Variants in FOXN3 observed in about 807,000 individuals in gnomAD.
The protein encoded by FOXN3 is forkhead box N3, also known as forkhead box protein N3.
A neutral mutation model predicts 38.4 loss-of-function variants in FOXN3; 7 were observed. That is an observed-to-expected ratio of 0.18 (90% CI 0.10 to 0.34). FOXN3 has a LOEUF of 0.34. Ranked by LOEUF, FOXN3 falls within the 10% of genes least tolerant of loss-of-function variation. The pLI is 1.00. For synonymous variants in FOXN3, 230 were observed against 242.2 expected, an observed-to-expected ratio of 0.95 and a Z score of 0.47; for missense variants, 456 against 613.4, an observed-to-expected ratio of 0.74 and a Z score of 2.71.
rs552942759 is a variant in FOXN3, at chr14:89,316,854, G to A, written c.680+33818C>T. Among the ~76,000 whole-genome samples the A allele has an allele frequency of 1.7e-4, 26 of 152,074 alleles. 1 individual carries two copies. The highest frequency in any genetic ancestry group is 1.4e-3 in the Admixed American group (21 of 15,266). ...TACTTTTTGTATTTTTAGTAGAGAC[G>A]GGGTTTCGCCATGTTGGCCAAGCTG... On this transcript the variant is annotated intron_variant, in intron 3 of 5. Coordinates refer to ENST00000557258, the MANE Select transcript of FOXN3 (RefSeq NM_005197.4).
chr14:89,235,106 T>C (rs1041412211), intron 4 of FOXN3, among the ~76,000 whole-genome samples: 2 of 152,178 alleles, frequency 1.3e-5, no homozygotes, highest in African/African-American at 4.8e-5. Flanking sequence ...TATTTCTTAT[T>C]TAATCCTTAT....
chr14:89,284,428 C>A, intron 3 of FOXN3: 1 of 455,892 alleles, frequency 2.2e-6, no homozygotes, highest in Non-Finnish European at 4.4e-6. Context: ...CCCACTGTAC[C>A]ATAGAGACAC....
intron 5 of FOXN3, among the ~76,000 whole-genome samples, chr14:89,177,936 T>C (rs1887567078): frequency 6.6e-6 from 1 of 152,212 alleles, no homozygotes; most frequent in Non-Finnish European, 1.5e-5. Flanking sequence ...CTCTCCATGA[T>C]ACCCTGAGTC....
intron 2 of FOXN3, among the ~76,000 whole-genome samples, chr14:89,389,675 G>A (rs537444132): frequency 3.3e-5 from 5 of 152,318 alleles, no homozygotes; most frequent in Admixed American, 1.3e-4. Flanking sequence ...GGCAGGCCAC[G>A]GTGGGATGGC....
At chr14:89,419,441 G>A (rs996663642), upstream of FOXN3, 22 of 317,950 alleles carry the variant, frequency 6.9e-5, no homozygotes, top group Non-Finnish European at 1.2e-4. Context: ...GGACCCTTGC[G>A]TCTTAGGTCC....
At chr14:89,176,156 G>A (rs985361800) in intron 5 of FOXN3, among the ~76,000 whole-genome samples, 2 of 152,172 alleles carry the variant, frequency 1.3e-5, no homozygotes, top group Admixed American at 1.3e-4. Context: ...AATCTTGGAG[G>A]TTATTGAGTA....
chr14:89,417,480 G>C (rs1891781202), upstream of FOXN3: 1 of 150,888 alleles, frequency 6.6e-6, no homozygotes, highest in Admixed American at 6.7e-5. Flanking sequence ...GGGGTGACCG[G>C]CGCGGGTCCC....
chr14:89,426,068 G>A (rs186768300), intron 1 of FOXN3, among the ~76,000 whole-genome samples: 3 of 152,024 alleles, frequency 2.0e-5, no homozygotes, highest in Admixed American at 2.0e-4. Context: ...CAAAAAATGT[G>A]GTACTAAACA....
At chr14:89,426,657 T>G (rs74079125) in intron 1 of FOXN3, among the ~76,000 whole-genome samples, 20,840 of 152,196 alleles carry the variant, frequency 0.14, 2,196 homozygotes, top group African/African-American at 0.3. Flanking sequence ...CAGACAGTGT[T>G]CTAAAGCTCC....
intron 1 of FOXN3, among the ~76,000 whole-genome samples, chr14:89,594,082 C>T (rs1896009163): frequency 6.6e-6 from 1 of 152,194 alleles, no homozygotes; most frequent in Non-Finnish European, 1.5e-5. Flanking sequence ...TGTGTGTGTG[C>T]ACACAAGTAT....
intron 1 of FOXN3, among the ~76,000 whole-genome samples, chr14:89,609,776 T>C (rs560060550): frequency 5.3e-5 from 8 of 152,130 alleles, no homozygotes; most frequent in African/African-American, 1.9e-4. Flanking sequence ...AGGTCACTCG[T>C]AGTTTTTTTT....
At chr14:89,225,284 G>A (rs1389290325) in intron 4 of FOXN3, among the ~76,000 whole-genome samples, 2 of 152,022 alleles carry the variant, frequency 1.3e-5, no homozygotes, top group African/African-American at 4.8e-5. Context: ...CAGCCTGGGT[G>A]ACAGAGTGAG....
At chr14:89,542,428 C>T (rs920311342) in intron 1 of FOXN3, among the ~76,000 whole-genome samples, 3 of 152,178 alleles carry the variant, frequency 2.0e-5, no homozygotes, top group Non-Finnish European at 4.4e-5. Context: ...TTTCCTAGCC[C>T]TTGCTCAAAA....
chr14:89,394,549 A>G (rs1055089487), intron 2 of FOXN3, among the ~76,000 whole-genome samples: 2 of 152,176 alleles, frequency 1.3e-5, no homozygotes, highest in Non-Finnish European at 2.9e-5. Flanking sequence ...CATTCAAACC[A>G]CAGCAGGAGT....
chr14:89,280,596 G>C (rs1384634625), intron 4 of FOXN3, among the ~76,000 whole-genome samples: 1 of 152,080 alleles, frequency 6.6e-6, no homozygotes. Context: ...ACATGTAAAG[G>C]GGTTTGCTTT....
At chr14:89,218,263 A>G (rs1310037804) in intron 4 of FOXN3, among the ~76,000 whole-genome samples, 4 of 152,206 alleles carry the variant, frequency 2.6e-5, no homozygotes, top group African/African-American at 9.6e-5. Flanking sequence ...TTCAGTGACT[A>G]TGATCGGACA....
At chr14:89,596,094 C>T (rs1435327563) in intron 1 of FOXN3, among the ~76,000 whole-genome samples, 2 of 152,014 alleles carry the variant, frequency 1.3e-5, no homozygotes, top group African/African-American at 4.8e-5. Context: ...ATTCATACTA[C>T]TAATATTTTG....
At chr14:89,448,461 T>C (rs1289072809) in intron 1 of FOXN3, among the ~76,000 whole-genome samples, 1 of 151,886 alleles carries the variant, frequency 6.6e-6, no homozygotes, top group Non-Finnish European at 1.5e-5. Context: ...CACCACACCA[T>C]CCTGTACACA....
chr14:89,181,047 CACCTGCACATACAG>C (rs981885701), intron 4 of FOXN3, among the ~76,000 whole-genome samples: 3 of 151,164 alleles, frequency 2.0e-5, no homozygotes, highest in Admixed American at 2.0e-4. Context: ...CACGTACGTA[CACCTGCACATACAG>C]ACATGCACAC....
Sources: allele counts gnomAD v4.1 joint callset (sites outside exome capture counted in the v4.1 genomes callset), GRCh38; gene constraint gnomAD v4.1.1; transcripts MANE v1.5; gene names NCBI Gene and HGNC (gene_info 2026-07-23, HGNC 2026-07-21).